ZNF804A: variants seen among roughly 807,000 people sequenced by gnomAD.
The protein encoded by ZNF804A is zinc finger protein 804A.
Under a neutral mutation model 16.5 loss-of-function variants are expected in ZNF804A, and 2 were observed. The ratio of observed to expected loss-of-function variants is 0.12; its 90% CI spans 0.05 to 0.38. The LOEUF is 0.38. ZNF804A is among the 10% of genes least tolerant of loss of function. The pLI is 0.99. For missense variants in ZNF804A, 1,473 were observed against 1,390.7 expected, an observed-to-expected ratio of 1.06 and a Z score of -0.94; for synonymous variants, 534 against 489.6, an observed-to-expected ratio of 1.09 and a Z score of -1.20.
intron 1 of ZNF804A, among the ~76,000 whole-genome samples, chr2:184,723,931 T>C (rs1429719609): frequency 6.6e-6 from 1 of 151,778 alleles, no homozygotes; most frequent in East Asian, 1.9e-4. Context: ...TCTTTTATTC[T>C]TAAAAAGTTA....
At chr2:184,829,718 C>A (rs71430161) in intron 1 of ZNF804A, among the ~76,000 whole-genome samples, 1 of 151,400 alleles carries the variant, frequency 6.6e-6, no homozygotes, top group Middle Eastern at 3.4e-3. Flanking sequence ...TTAAGATTTT[C>A]TCTTAACCTT....
intron 1 of ZNF804A, among the ~76,000 whole-genome samples, chr2:184,666,776 G>A (rs1692262230): frequency 6.6e-6 from 1 of 151,960 alleles, no homozygotes; most frequent in Non-Finnish European, 1.5e-5. Flanking sequence ...GCATGTTCAT[G>A]GGAAATTTAT....
rs1367928136 is a variant in ZNF804A, at chr2:184,752,757, CTAAT to C, written c.112-113608_112-113605del. Among the ~76,000 whole-genome samples the C allele has an allele frequency of 5.9e-5, 9 of 151,538 alleles. No individual in the cohort carries two copies. In the East Asian group the frequency reaches 9.7e-4, roughly 16 times the overall value. On this transcript the variant is annotated intron_variant, in intron 1 of 3. Transcript: ENST00000302277. Reference sequence around the variant, plus strand: ...ACGTTTAATATTGAAAAAATATAGTCTAATTAACTCAATAGCAAAACATGATCCA... The same window carrying C: ...ACGTTTAATATTGAAAAAATATAGTCTAACTCAATAGCAAAACATGATCCA...
At chr2:184,813,477 T>C (rs1214563815) in intron 1 of ZNF804A, among the ~76,000 whole-genome samples, 2 of 152,030 alleles carry the variant, frequency 1.3e-5, no homozygotes, top group African/African-American at 2.4e-5. Flanking sequence ...AAAAACATGG[T>C]GACAAATATT....
At chr2:184,899,227 T>C (rs1258278076) in intron 2 of ZNF804A, among the ~76,000 whole-genome samples, 1 of 152,026 alleles carries the variant, frequency 6.6e-6, no homozygotes, top group Non-Finnish European at 1.5e-5. Context: ...AAATATAAGA[T>C]GTATATGTGT....
chr2:184,669,463 A>G (rs1434015299), intron 1 of ZNF804A, among the ~76,000 whole-genome samples: 2 of 152,076 alleles, frequency 1.3e-5, no homozygotes, highest in Non-Finnish European at 2.9e-5. Flanking sequence ...TTCATTTAAT[A>G]ATACGTATTT....
intron 1 of ZNF804A, among the ~76,000 whole-genome samples, chr2:184,798,147 C>A (rs1044205480): frequency 2.6e-5 from 4 of 151,034 alleles, no homozygotes; most frequent in African/African-American, 9.7e-5. Context: ...TTACCTGGTT[C>A]TTTTGTCTGA....
Position 184,936,985 on chromosome 2 carries a change from A to T in ZNF804A, c.1589A>T (p.Asp530Val). 6.2e-7 allele frequency: 1 copy of T among 1,613,926 alleles called. No homozygotes were observed. Among genetic ancestry groups the T allele is most frequent in the Non-Finnish European group, 8.5e-7 (1 of 1,179,936 alleles). ...CAAGTCACTCCTCTTTTGGCTGATGATATTCTCTCCAGTAGTTGTGATTCT... is the reference window on the plus strand; with the variant it reads ...CAAGTCACTCCTCTTTTGGCTGATGTTATTCTCTCCAGTAGTTGTGATTCT... ...CSQVTPLLAD[D>V]ILSSSCDSGK... is the part of the protein sequence containing the mutation. Residue 530 changes from aspartate to valine, a missense_variant, in exon 4 of 4, where the codon GAT (aspartate) becomes GTT (valine). Physicochemically the swap from Asp to Val is radical, Grantham distance 152. Transcript: ENST00000302277.
intron 1 of ZNF804A, among the ~76,000 whole-genome samples, chr2:184,689,992 T>G (rs1692704169): frequency 6.6e-6 from 1 of 151,996 alleles, no homozygotes; most frequent in East Asian, 1.9e-4. Flanking sequence ...GGAACAATTT[T>G]AATAAAATAA....
Position 184,870,299 on chromosome 2 carries a change from A to G in ZNF804A, c.255+3787A>G, listed in dbSNP as rs367670709. 4.4e-4 allele frequency among the ~76,000 whole-genome samples: 67 copies of G among 152,158 alleles called. 2 individuals are homozygous for G. In the East Asian group the frequency reaches 0.012, roughly 26 times the overall value. On this transcript the variant is annotated intron_variant, in intron 2 of 3. Transcript: ENST00000302277. ...ATGGAAAATGATGAATATGACACTC[A>G]GGATAGTGGTTACTTCAAGGGGTGA...
chr2:184,657,770 G>A (rs751860537), intron 1 of ZNF804A, among the ~76,000 whole-genome samples: 21 of 152,134 alleles, frequency 1.4e-4, no homozygotes, highest in Non-Finnish European at 2.8e-4. Flanking sequence ...TGGGAGGGAT[G>A]GATTTTTATA....
intron 2 of ZNF804A, chr2:184,902,484 A>C (rs1444558739): frequency 6.6e-6 from 1 of 152,248 alleles, no homozygotes; most frequent in African/African-American, 2.4e-5. Flanking sequence ...GCCTTCTAGC[A>C]CTGCATTCTT....
intron 1 of ZNF804A, among the ~76,000 whole-genome samples, chr2:184,785,192 C>T (rs1193253107): frequency 6.6e-6 from 1 of 151,940 alleles, no homozygotes; most frequent in Non-Finnish European, 1.5e-5. Flanking sequence ...TCCCCCTGCT[C>T]ACCTATTGCT....
chr2:184,802,407 G>A (rs576222887), intron 1 of ZNF804A, among the ~76,000 whole-genome samples: 2 of 152,152 alleles, frequency 1.3e-5, no homozygotes, highest in African/African-American at 4.8e-5. Context: ...GGAGAATATC[G>A]TTGTGTCCTT....
intron 2 of ZNF804A, among the ~76,000 whole-genome samples, chr2:184,917,153 C>T (rs2105834800): frequency 6.6e-6 from 1 of 152,172 alleles, no homozygotes; most frequent in African/African-American, 2.4e-5. Flanking sequence ...TGCAATTAAC[C>T]ATCACAAGTT....
At chr2:184,649,573 A>C (rs888443534) in intron 1 of ZNF804A, among the ~76,000 whole-genome samples, 4 of 152,044 alleles carry the variant, frequency 2.6e-5, no homozygotes, top group African/African-American at 7.2e-5. Flanking sequence ...GCACAATAAA[A>C]AATGACAAAG....
At chr2:184,888,449 G>C (rs572282382) in intron 2 of ZNF804A, among the ~76,000 whole-genome samples, 1 of 152,226 alleles carries the variant, frequency 6.6e-6, no homozygotes, top group South Asian at 2.1e-4. Flanking sequence ...TGTGCCCTTG[G>C]CTCCACTAAA....
intron 1 of ZNF804A, among the ~76,000 whole-genome samples, chr2:184,757,994 G>T (rs1291539316): frequency 1.3e-5 from 2 of 151,900 alleles, no homozygotes; most frequent in Admixed American, 6.6e-5. Context: ...TTATTGATGG[G>T]CTCTTTCTGT....
At chr2:184,652,448 A>G (rs987266852) in intron 1 of ZNF804A, among the ~76,000 whole-genome samples, 10 of 152,216 alleles carry the variant, frequency 6.6e-5, no homozygotes, top group African/African-American at 1.9e-4. Context: ...TGAAAAAAAT[A>G]AAAATAAGGT....
Sources: gnomAD v4.1 joint callset for allele counts (sites outside exome capture counted in the v4.1 genomes callset) on GRCh38, gnomAD v4.1.1 for gene constraint, MANE v1.5 for transcripts, NCBI Gene and HGNC (gene_info 2026-07-23, HGNC 2026-07-21) for gene names.